TLN2: variants seen among roughly 807,000 people sequenced by gnomAD.
The protein encoded by TLN2 is talin 2, also known as talin-2.
Under a neutral mutation model 294.7 loss-of-function variants are expected in TLN2, and 118 were observed. The ratio of observed to expected loss-of-function variants is 0.40; its 90% CI spans 0.34 to 0.47. TLN2 has a LOEUF of 0.47. TLN2 is among the 20% of genes least tolerant of loss of function. TLN2 has a pLI of 0.84. For synonymous variants in TLN2, 1,431 were observed against 1,304.5 expected (o/e 1.10, Z -2.09); for missense variants, 3,083 against 3,282.2 (o/e 0.94, Z 1.48).
intron 20 of TLN2, among the ~76,000 whole-genome samples, chr15:62,707,563 C>T (rs1009459724): frequency 2.0e-5 from 3 of 152,144 alleles, no homozygotes; most frequent in Admixed American, 1.3e-4. Flanking sequence ...TCTTGCAATG[C>T]GTGGTACAGC....
At chr15:62,754,066 G>A in intron 36 of TLN2, 150 bp downstream of exon 36, 1 of 1,112,706 alleles carries the variant, frequency 9.0e-7, no homozygotes, top group Non-Finnish European at 1.2e-6. Flanking sequence ...TGACTCAGGT[G>A]GGAGCAAATA....
At chr15:62,768,712 A>G (rs1169974456) in intron 41 of TLN2, among the ~76,000 whole-genome samples, 1 of 152,200 alleles carries the variant, frequency 6.6e-6, no homozygotes, top group Non-Finnish European at 1.5e-5. Context: ...CTCAAGAACT[A>G]ATGGTGTTAA....
In TLN2 at chr15:62,736,956, A is replaced by G; in HGVS notation, c.3437A>G (p.Asp1146Gly). Residue 1146 changes from aspartate to glycine, a missense_variant, in exon 29 of 59, where the codon GAC becomes GGC. Transcript: ENST00000636159. ...CGTGGAGTGGCTGCATCGACAACCG[A>G]CCCCGCGGCCGCCCATGCCATGTTA... ...AARGVAASTT[D>G]PAAAHAMLDS... The G allele has an allele frequency of 1.9e-6, 3 of 1,613,830 alleles. No individual in the cohort carries two copies. The highest frequency in any genetic ancestry group is 1.3e-5 in the African/African-American group (1 of 74,888).
intron 1 of TLN2, among the ~76,000 whole-genome samples, chr15:62,556,284 A>T (rs1055702622): frequency 2.1e-5 from 3 of 145,190 alleles, no homozygotes; most frequent in African/African-American, 7.7e-5. Context: ...TTTAAATGCC[A>T]TTTTCTTTTT....
chr15:62,700,479 G>A (rs563384011), intron 16 of TLN2, among the ~76,000 whole-genome samples: 75 of 152,302 alleles, frequency 4.9e-4, no homozygotes, highest in African/African-American at 1.8e-3. Flanking sequence ...GGTAGAAGAA[G>A]TATAAGGCAC....
chr15:62,513,094 T>C (rs2140455907), intron 1 of TLN2, among the ~76,000 whole-genome samples: 1 of 152,304 alleles, frequency 6.6e-6, no homozygotes, highest in South Asian at 2.1e-4. Flanking sequence ...TACATAGGCA[T>C]TCCCAAGTTC....
intron 1 of TLN2, among the ~76,000 whole-genome samples, chr15:62,450,454 CT>C (rs5813148): frequency 6.6e-6 from 1 of 151,134 alleles, no homozygotes; most frequent in Non-Finnish European, 1.5e-5. Flanking sequence ...GGGGATTCAG[CT>C]TTTTTTTAAC....
chr15:62,533,799 C>T (rs934401505), intron 1 of TLN2, among the ~76,000 whole-genome samples: 1 of 152,268 alleles, frequency 6.6e-6, no homozygotes, highest in African/African-American at 2.4e-5. Flanking sequence ...GTCCAGCAAC[C>T]TGTGGGCAGC....
At chr15:62,609,741 G>T (rs1459653221) in intron 2 of TLN2, among the ~76,000 whole-genome samples, 3 of 152,324 alleles carry the variant, frequency 2.0e-5, no homozygotes, top group Non-Finnish European at 4.4e-5. Context: ...GACTGAGGTG[G>T]TCTTGGCTAG....
At chr15:62,542,211 A>G (rs2041731152) in intron 1 of TLN2, among the ~76,000 whole-genome samples, 2 of 151,460 alleles carry the variant, frequency 1.3e-5, no homozygotes, top group African/African-American at 4.9e-5. Flanking sequence ...TTTTTTTTTG[A>G]GAGAGAGTCT....
intron 9 of TLN2, among the ~76,000 whole-genome samples, chr15:62,673,094 G>GTGTGTGTGTC (rs1326273000): frequency 6.6e-6 from 1 of 150,580 alleles, no homozygotes; most frequent in African/African-American, 2.4e-5. Context: ...GTGTGTGTGT[G>GTGTGTGTGTC]TGTGTCTGTG....
chr15:62,737,491 T>G (rs2061088687), intron 29 of TLN2, among the ~76,000 whole-genome samples: 1 of 152,240 alleles, frequency 6.6e-6, no homozygotes, highest in African/African-American at 2.4e-5. Context: ...CTTCTTTAAA[T>G]GATTCTTCGA....
intron 25 of TLN2, among the ~76,000 whole-genome samples, chr15:62,720,538 A>G (rs2060070874): frequency 1.3e-5 from 2 of 152,118 alleles, no homozygotes; most frequent in South Asian, 4.1e-4. Context: ...GGACCCAGTG[A>G]TACATCTATT....
At chr15:62,461,675 G>A (rs960465156) in intron 1 of TLN2, among the ~76,000 whole-genome samples, 17 of 152,182 alleles carry the variant, frequency 1.1e-4, no homozygotes, top group Non-Finnish European at 2.5e-4. Context: ...AGGGAGAGGA[G>A]CAGTTGTTTT....
rs2070735830 is a variant in TLN2 at position 62,841,845 on chromosome 15, TG to T, written c.*1238del. 1 of 152,176 alleles carries T rather than the reference TG, an allele frequency of 6.6e-6. No homozygotes were observed. Among genetic ancestry groups the T allele is most frequent in the South Asian group, 2.1e-4 (1 of 4,828 alleles). 9.4% of individuals were successfully genotyped at this position (152,176 alleles called of 1,614,324 possible). The stretch of plus-strand genomic sequence containing the variant: ...CAGTGCATGGAAGATGAATGGCTCG[TG>T]GGACAGAATCTAATGCCAGGGAGCA... On this transcript the variant is annotated 3_prime_UTR_variant, in exon 59 of 59. Coordinates refer to ENST00000636159, the MANE Select transcript of TLN2 (RefSeq NM_015059.3).
At chr15:62,444,527 C>A (rs919830533) in intron 1 of TLN2, among the ~76,000 whole-genome samples, 1 of 152,192 alleles carries the variant, frequency 6.6e-6, no homozygotes, top group Non-Finnish European at 1.5e-5. Context: ...TTCTAAAGAA[C>A]CCTCATTTCT....
At chr15:62,811,521 A>T (rs567945117) in intron 52 of TLN2, among the ~76,000 whole-genome samples, 2 of 152,232 alleles carry the variant, frequency 1.3e-5, no homozygotes, top group Non-Finnish European at 2.9e-5. Context: ...TTATAACTAA[A>T]AATTGGACAA....
chr15:62,518,358 G>A lies in TLN2; in HGVS notation c.-237-71329G>A, dbSNP rs76579181. On this transcript the variant is annotated intron_variant, in intron 1 of 58. Transcript: ENST00000636159. ...ACATTTCTTTATAGTTATTTGTGTC[G>A]GAGGCAGGAAGGAGCCACACAGCTT... is the stretch of plus-strand genomic sequence containing the variant. Among the ~76,000 whole-genome samples the A allele has an allele frequency of 4.7e-4, 72 of 152,172 alleles. 2 individuals are homozygous for A. The East Asian group carries it at 0.011, about 23-fold the overall frequency.
At chr15:62,442,340 C>T (rs991118410) in intron 1 of TLN2, among the ~76,000 whole-genome samples, 1 of 151,600 alleles carries the variant, frequency 6.6e-6, no homozygotes, top group African/African-American at 2.4e-5. Context: ...ACTAAAAGTA[C>T]AAAAATTAGC....
Sources: allele counts gnomAD v4.1 joint callset (sites outside exome capture counted in the v4.1 genomes callset), GRCh38; gene constraint gnomAD v4.1.1; transcripts MANE v1.5; gene names NCBI Gene and HGNC (gene_info 2026-07-23, HGNC 2026-07-21).